Variants in NR3C2 observed in about 807,000 individuals in gnomAD.
NR3C2 encodes mineralocorticoid receptor.
NR3C2 carries 15 observed loss-of-function variants against 86.4 expected under a neutral mutation model. That is an observed-to-expected ratio of 0.17 (90% CI 0.12 to 0.27). The LOEUF is 0.27. NR3C2 is among the 10% of genes least tolerant of loss of function. The pLI, the probability that NR3C2 is intolerant of heterozygous loss-of-function variation, is 1.00. For missense variants in NR3C2, 960 were observed against 1,195.6 expected, an observed-to-expected ratio of 0.80 and a Z score of 2.91; for synonymous variants, 458 against 450.5, an observed-to-expected ratio of 1.02 and a Z score of -0.21.
chr4:148,443,222 C>CAAAAAAAAAA (rs59506438), upstream of NR3C2, among the ~76,000 whole-genome samples: 38 of 40,984 alleles, frequency 9.3e-4, 1 homozygote, highest in African/African-American at 1.9e-3. Context: ...CCCCTAACAC[C>CAAAAAAAAAA]AAAAAAAAAA....
chr4:148,096,255 G>C (rs1560918948), intron 8 of NR3C2, among the ~76,000 whole-genome samples: 1 of 152,138 alleles, frequency 6.6e-6, no homozygotes, highest in Non-Finnish European at 1.5e-5. Flanking sequence ...TAATGAAAGG[G>C]TGGTGTTTGA....
At chr4:148,152,384 G>T (rs1734141302) in intron 6 of NR3C2, 85 bp downstream of exon 6, 2 of 1,453,644 alleles carry the variant, frequency 1.4e-6, no homozygotes, top group Non-Finnish European at 1.9e-6. Context: ...TTTCACCAAC[G>T]TACATCTGTT....
chr4:148,315,120 G>A (rs758899008), intron 2 of NR3C2, among the ~76,000 whole-genome samples: 3 of 152,138 alleles, frequency 2.0e-5, no homozygotes. Context: ...AATAGTTTGG[G>A]CCAGCACTCC....
Position 148,436,343 on chromosome 4 carries a change from T to C in NR3C2, c.518A>G (p.Asn173Ser), listed in dbSNP as rs1025080923. The change falls in exon 2 of 9, where the codon AAT becomes AGT. Residue 173 changes from asparagine (N) to serine (S), a missense_variant. Around this residue, in one of 4 missense-constraint regions of NR3C2, gnomAD observed 680 missense variants for 719.0 expected, o/e 0.95. Coordinates refer to ENST00000358102, the MANE Select transcript of NR3C2 (RefSeq NM_000901.5). ...SFMSDSGSSV[N>S]GGVMRAVVKS... Reference sequence around the variant, plus strand: ...AACAACGGCGCGCATGACGCCACCATTCACGGAGCTCCCAGAGTCAGACAT... The same window carrying C: ...AACAACGGCGCGCATGACGCCACCACTCACGGAGCTCCCAGAGTCAGACAT... 1 of 1,614,190 alleles carries C rather than the reference T, an allele frequency of 6.2e-7. No homozygotes were observed. Among genetic ancestry groups the C allele is most frequent in the Non-Finnish European group, 8.5e-7 (1 of 1,180,034 alleles).
At chr4:148,442,595 A>G (rs1750408801), upstream of NR3C2, 5 of 969,746 alleles carry the variant, frequency 5.2e-6, no homozygotes, top group South Asian at 1.9e-4. Context: ...TGGCCCGAAG[A>G]GAAGCAAGGC....
intron 6 of NR3C2, among the ~76,000 whole-genome samples, chr4:148,128,856 C>T (rs1472497947): frequency 6.6e-6 from 1 of 152,204 alleles, no homozygotes; most frequent in Non-Finnish European, 1.5e-5. Flanking sequence ...ATTATGCCTC[C>T]ACTGAACTCT....
At chr4:148,411,673 G>A (rs547744377) in intron 2 of NR3C2, among the ~76,000 whole-genome samples, 1 of 152,306 alleles carries the variant, frequency 6.6e-6, no homozygotes, top group South Asian at 2.1e-4. Flanking sequence ...TCTGGACAGT[G>A]TCGTCCTACT....
At chr4:148,119,606 T>C (rs1204083388) in intron 7 of NR3C2, among the ~76,000 whole-genome samples, 2 of 152,084 alleles carry the variant, frequency 1.3e-5, no homozygotes, top group Non-Finnish European at 2.9e-5. Context: ...GCCAACATGG[T>C]GAAAGCCCAT....
intron 8 of NR3C2, among the ~76,000 whole-genome samples, chr4:148,087,432 T>TA (rs1280165483): frequency 4.6e-5 from 7 of 152,210 alleles, no homozygotes; most frequent in Admixed American, 1.3e-4. Context: ...AGAGCCCGCA[T>TA]AGCCAAGATA....
chr4:148,179,049 T>G (rs753944660), intron 4 of NR3C2, among the ~76,000 whole-genome samples: 4 of 151,630 alleles, frequency 2.6e-5, no homozygotes, highest in Admixed American at 2.6e-4. Context: ...TGTGCAATTA[T>G]TAATACTGTA....
chr4:148,183,842 T>C (rs1735756766), intron 4 of NR3C2, among the ~76,000 whole-genome samples: 1 of 152,200 alleles, frequency 6.6e-6, no homozygotes, highest in Non-Finnish European at 1.5e-5. Context: ...CCTCCTCTGA[T>C]GGAATGTATA....
intron 2 of NR3C2, among the ~76,000 whole-genome samples, chr4:148,309,954 CA>C (rs1163978913): frequency 6.8e-6 from 1 of 147,294 alleles, no homozygotes; most frequent in African/African-American, 2.5e-5. Flanking sequence ...AATGAGCAAA[CA>C]AAAAAATGAA....
intron 2 of NR3C2, among the ~76,000 whole-genome samples, chr4:148,264,487 C>T (rs1231211545): frequency 6.6e-6 from 1 of 151,786 alleles, no homozygotes; most frequent in African/African-American, 2.4e-5. Flanking sequence ...ATTTACCAAA[C>T]ATCTACACAT....
chr4:148,140,173 A>G (rs1733541207), intron 6 of NR3C2, among the ~76,000 whole-genome samples: 1 of 152,128 alleles, frequency 6.6e-6, no homozygotes, highest in African/African-American at 2.4e-5. Flanking sequence ...TCACTGCATA[A>G]AATTAATTTT....
At chr4:148,437,871 G>T (rs1332777407) in intron 1 of NR3C2, among the ~76,000 whole-genome samples, 1 of 152,162 alleles carries the variant, frequency 6.6e-6, no homozygotes, top group South Asian at 2.1e-4. Context: ...GGTTGTTTCA[G>T]ATATATAACC....
At chr4:148,087,636 G>A (rs1053852557) in intron 8 of NR3C2, among the ~76,000 whole-genome samples, 8 of 152,022 alleles carry the variant, frequency 5.3e-5, no homozygotes, top group East Asian at 1.9e-4. Flanking sequence ...TTTAATAAAC[G>A]GTACGGCGAA....
intron 2 of NR3C2, among the ~76,000 whole-genome samples, chr4:148,311,936 A>T (rs1742921196): frequency 6.6e-6 from 1 of 152,224 alleles, no homozygotes; most frequent in South Asian, 2.1e-4. Flanking sequence ...AAGGTTGCTC[A>T]AACTTCTCAG....
rs1336528351 is a variant in NR3C2, at chr4:148,436,806, A to C, written c.55T>G (p.Trp19Gly). ...LPEGLDMERR[W>G]GQVSQAVERS... Reference sequence around the variant, plus strand: ...TCCACAGCCTGAGAAACTTGACCCCACCGTCTTTCCATATCTAGACCTTCA... The same window carrying C: ...TCCACAGCCTGAGAAACTTGACCCCCCCGTCTTTCCATATCTAGACCTTCA... Residue 19 changes from tryptophan to glycine, a missense_variant, in exon 2 of 9, where the codon TGG becomes GGG. Coordinates refer to ENST00000358102, the MANE Select transcript of NR3C2 (RefSeq NM_000901.5). The C allele has an allele frequency of 6.2e-7, 1 of 1,612,982 alleles. No individual in the cohort carries two copies. The highest frequency in any genetic ancestry group is 8.5e-7 in the Non-Finnish European group (1 of 1,179,876).
intron 2 of NR3C2, among the ~76,000 whole-genome samples, chr4:148,376,825 T>A (rs1746704175): frequency 6.6e-6 from 1 of 152,184 alleles, no homozygotes; most frequent in African/African-American, 2.4e-5. Context: ...AGTACTTTAA[T>A]ACAGGATATT....
Sources: allele counts gnomAD v4.1 joint callset (sites outside exome capture counted in the v4.1 genomes callset), GRCh38; gene constraint gnomAD v4.1.1; regional missense constraint gnomAD v4.1.1; transcripts MANE v1.5; gene names NCBI Gene and HGNC (gene_info 2026-07-23, HGNC 2026-07-21).